Variants in TENM2 observed in about 807,000 individuals in gnomAD.
TENM2 encodes the protein teneurin-2.
A neutral mutation model predicts 245.2 loss-of-function variants in TENM2; 52 were observed. The ratio of observed to expected loss-of-function variants is 0.21; its 90% CI spans 0.17 to 0.27. The LOEUF is 0.27. Among genes scored for constraint, TENM2 ranks in the 10% least tolerant of loss-of-function variants. The probability of loss-of-function intolerance (pLI) is 1.00; values close to 1 mark genes in which losing one functional copy is unlikely to be tolerated. For synonymous variants in TENM2, 1,363 were observed against 1,438.9 expected (o/e 0.95, Z 1.19); for missense variants, 3,046 against 3,666.8 (o/e 0.83, Z 4.37).
chr5:168,233,659 C>G (rs536090027), intron 25 of TENM2, among the ~76,000 whole-genome samples: 22 of 152,282 alleles, frequency 1.4e-4, no homozygotes, highest in African/African-American at 5.3e-4. Context: ...GCCTCAGAGA[C>G]TCTAAGATGT....
intron 3 of TENM2, among the ~76,000 whole-genome samples, chr5:167,915,122 T>C (rs10866616): frequency 0.094 from 14,264 of 152,080 alleles, 706 homozygotes; most frequent in South Asian, 0.14. Context: ...CCACCTACCA[T>C]ACCTCCCTTC....
chr5:167,809,570 G>T (rs528811393), intron 2 of TENM2, among the ~76,000 whole-genome samples: 91 of 152,224 alleles, frequency 6.0e-4, no homozygotes, highest in Admixed American at 1.3e-3. Flanking sequence ...GCTTGGAAAA[G>T]TTTTCTGAAT....
At chr5:167,008,043 C>T in the TENM2 span, among the ~76,000 whole-genome samples, 1 of 152,162 alleles carries the variant, frequency 6.6e-6, no homozygotes. Flanking sequence ...CCTCCCTTCC[C>T]CGTTCCTCTT....
rs1191541540 is a variant in TENM2, at chr5:168,254,503, GGGGAGGAAGAGGAAGAAA to G, written c.7433-5762_7433-5745del. On this transcript the variant is annotated intron_variant, in intron 27 of 28. Transcript: ENST00000518659. ...AGGGGAGGAAGAGGAAGAGGAAGAA[GGGGAGGAAGAGGAAGAAA>G]GGGAGGAAGAGGAAGAATAGAAAGA... Among the ~76,000 whole-genome samples the G allele has an allele frequency of 4.0e-4, 56 of 140,882 alleles. 1 individual carries two copies. The South Asian group carries it at 6.5e-3, about 16-fold the overall frequency. 92.4% of individuals were successfully genotyped at this position (140,882 alleles called of 152,430 possible). A position where few individuals can be genotyped will look rare whatever the true frequency, so the allele number is the denominator to read the frequency against.
At chr5:168,235,557 A>G (rs1307280184) in intron 25 of TENM2, among the ~76,000 whole-genome samples, 1 of 152,246 alleles carries the variant, frequency 6.6e-6, no homozygotes, top group Non-Finnish European at 1.5e-5. Context: ...CTGTAATCCC[A>G]GCACTTTGGG....
intron 2 of TENM2, among the ~76,000 whole-genome samples, chr5:167,778,513 C>A (rs181653237): frequency 1.3e-5 from 2 of 152,186 alleles, no homozygotes; most frequent in East Asian, 3.9e-4. Context: ...CTGCTAGAGT[C>A]ATATGGTTGT....
chr5:167,032,533 A>G, the TENM2 span, among the ~76,000 whole-genome samples: 1 of 152,208 alleles, frequency 6.6e-6, no homozygotes, highest in Non-Finnish European at 1.5e-5. Flanking sequence ...TCGGAAGGTC[A>G]CTTCTTGAAC....
chr5:167,025,014 G>T, the TENM2 span, among the ~76,000 whole-genome samples: 27 of 152,068 alleles, frequency 1.8e-4, no homozygotes, highest in Non-Finnish European at 3.5e-4. Flanking sequence ...TGATTAAATT[G>T]TAGACTGACA....
intron 2 of TENM2, among the ~76,000 whole-genome samples, chr5:167,641,077 C>T (rs992196737): frequency 1.3e-5 from 2 of 150,918 alleles, no homozygotes; most frequent in Admixed American, 1.3e-4. Context: ...CCAGGGAATT[C>T]TGATGCCCAC....
chr5:167,443,611 T>A (rs1764988147), intron 2 of TENM2, among the ~76,000 whole-genome samples: 1 of 152,208 alleles, frequency 6.6e-6, no homozygotes, highest in African/African-American at 2.4e-5. Context: ...AGCAGATGGA[T>A]TATAATTGTT....
intron 2 of TENM2, among the ~76,000 whole-genome samples, chr5:167,671,588 A>G (rs1477613668): frequency 1.3e-5 from 2 of 152,038 alleles, no homozygotes; most frequent in African/African-American, 4.8e-5. Context: ...ACAAATAAAT[A>G]TTGTATTTTA....
chr5:168,125,477 G>A (rs1026432634), intron 11 of TENM2, among the ~76,000 whole-genome samples: 3 of 152,086 alleles, frequency 2.0e-5, no homozygotes, highest in African/African-American at 7.2e-5. Context: ...AAATAATGAA[G>A]TCGCGCTGTA....
At chr5:167,188,638 GATAA>G in the TENM2 span, among the ~76,000 whole-genome samples, 5 of 152,014 alleles carry the variant, frequency 3.3e-5, no homozygotes, top group African/African-American at 1.2e-4. Flanking sequence ...TTTAATTTTT[GATAA>G]ATACTGTGAC....
At chr5:167,544,331 T>C (rs557185504) in intron 2 of TENM2, among the ~76,000 whole-genome samples, 2 of 152,330 alleles carry the variant, frequency 1.3e-5, no homozygotes, top group Non-Finnish European at 2.9e-5. Context: ...GAGGATGGTA[T>C]CTTCCTGAGC....
At chr5:167,845,224 TC>T (rs1461908163) in intron 2 of TENM2, among the ~76,000 whole-genome samples, 2 of 90,766 alleles carry the variant, frequency 2.2e-5, no homozygotes, top group East Asian at 3.2e-4. Context: ...TTCCCCCGAG[TC>T]CCCCCCTCCC....
chr5:167,909,209 G>C (rs1776356071), intron 3 of TENM2, among the ~76,000 whole-genome samples: 1 of 151,898 alleles, frequency 6.6e-6, no homozygotes, highest in Non-Finnish European at 1.5e-5. Flanking sequence ...ACAGAAGTTT[G>C]CTTTGTTTTT....
chr5:168,140,560 G>A (rs759822258), intron 12 of TENM2, among the ~76,000 whole-genome samples: 3 of 152,060 alleles, frequency 2.0e-5, no homozygotes, highest in Admixed American at 6.6e-5. Context: ...GTGTGTGTGC[G>A]CCCACCTGAC....
intron 1 of TENM2, among the ~76,000 whole-genome samples, chr5:167,342,621 G>A (rs1413505039): frequency 7.0e-6 from 1 of 142,030 alleles, no homozygotes; most frequent in East Asian, 2.3e-4. Flanking sequence ...TCCGCTTCCC[G>A]GGTTCACGCC....
At chr5:167,336,846 G>T (rs561279974) in intron 1 of TENM2, among the ~76,000 whole-genome samples, 2 of 151,228 alleles carry the variant, frequency 1.3e-5, no homozygotes, top group African/African-American at 4.8e-5. Context: ...GGCCGGGTGC[G>T]GTGGCTCACG....
Sources: allele counts gnomAD v4.1 joint callset (sites outside exome capture counted in the v4.1 genomes callset), GRCh38; gene constraint gnomAD v4.1.1; transcripts MANE v1.5; gene names NCBI Gene and HGNC (gene_info 2026-07-23, HGNC 2026-07-21).